Variants in PTH2R observed in about 807,000 individuals in gnomAD.
PTH2R encodes parathyroid hormone 2 receptor.
Under a neutral mutation model 60.3 loss-of-function variants are expected in PTH2R, and 59 were observed. The observed-to-expected ratio is 0.98, with a 90% CI of 0.79 to 1.22. PTH2R has a LOEUF of 1.22. Among genes scored for constraint, PTH2R ranks in the 50% most tolerant of loss-of-function variants. The pLI, the probability that PTH2R is intolerant of heterozygous loss-of-function variation, is 0.00. For missense variants in PTH2R, 749 were observed against 682.6 expected (o/e 1.10, Z -1.08); for synonymous variants, 256 against 243.8 (o/e 1.05, Z -0.47).
intron 1 of PTH2R, among the ~76,000 whole-genome samples, chr2:208,414,118 T>A (rs1559212656): frequency 6.6e-6 from 1 of 152,276 alleles, no homozygotes; most frequent in African/African-American, 2.4e-5. Context: ...CTCAAGAGAC[T>A]TTCCCCCTCC....
intron 1 of PTH2R, among the ~76,000 whole-genome samples, chr2:208,368,921 T>A (rs946531275): frequency 3.9e-5 from 6 of 152,322 alleles, no homozygotes; most frequent in African/African-American, 1.4e-4. Context: ...GCAATCAAAT[T>A]CTGTGATTTG....
chr2:208,387,131 C>T (rs1489339926), intron 1 of PTH2R, among the ~76,000 whole-genome samples: 21 of 152,130 alleles, frequency 1.4e-4, no homozygotes, highest in Middle Eastern at 3.4e-3. Context: ...ATCATTGTTA[C>T]GATCACCCCA....
Position 208,407,125 on chromosome 2 carries a change from GC to G in PTH2R, c.75+9del. Reference sequence around the variant, plus strand: ...CCTCCTGGCCAGAGCCCAGGTAAGAGCCAGTGCTCCGCGACACCTGTTTTCG... The same window carrying G: ...CCTCCTGGCCAGAGCCCAGGTAAGAGCAGTGCTCCGCGACACCTGTTTTCG... On this transcript the variant is annotated splice_region_variant and intron_variant, in intron 1 of 12. Transcript: ENST00000272847. 7.1e-7 allele frequency: 1 copy of G among 1,404,298 alleles called. No individual in the cohort carries two copies. The allele number at this position is 1,404,298 out of a possible 1,614,324, so 87.0% of individuals were successfully genotyped here.
intron 2 of PTH2R, among the ~76,000 whole-genome samples, chr2:208,429,500 T>G (rs958130739): frequency 3.9e-5 from 6 of 152,120 alleles, no homozygotes; most frequent in Admixed American, 3.3e-4. Context: ...TCCTTCATAT[T>G]TAAAAAATAT....
At chr2:208,463,817 T>C (rs16841239) in intron 9 of PTH2R, among the ~76,000 whole-genome samples, 12,175 of 152,298 alleles carry the variant, frequency 0.08, 532 homozygotes, top group Non-Finnish European at 0.084. Context: ...TGTTCAGACC[T>C]GAGGGGACTC....
At chr2:208,412,457 T>A (rs1171599843) in intron 1 of PTH2R, among the ~76,000 whole-genome samples, 1 of 152,260 alleles carries the variant, frequency 6.6e-6, no homozygotes, top group Non-Finnish European at 1.5e-5. Flanking sequence ...GGAAACAGTC[T>A]TCTTGATGAC....
chr2:208,393,593 A>C (rs1701149494), intron 1 of PTH2R, among the ~76,000 whole-genome samples: 2 of 152,124 alleles, frequency 1.3e-5, no homozygotes, highest in African/African-American at 4.8e-5. Context: ...GGTCTGCTAT[A>C]GGAGACATGT....
rs115632079 is a variant in PTH2R, at chr2:208,373,799, G to A, written c.-259+13562G>A. On this transcript the variant is annotated intron_variant, in intron 1 of 12. Transcript: ENST00000617735. Reference sequence around the variant, plus strand: ...TATCTGAGCCCTAAATGTCTTCTACGTTATTCTTTGACAATACTTTGTTAC... The same window carrying A: ...TATCTGAGCCCTAAATGTCTTCTACATTATTCTTTGACAATACTTTGTTAC... Among the ~76,000 whole-genome samples, 1,294 of 152,170 alleles carry A rather than the reference G, an allele frequency of 8.5e-3. 42 individuals are homozygous for A. Among genetic ancestry groups the A allele is most frequent in the African/African-American group, 0.029 (1,215 of 41,442 alleles).
chr2:208,481,219 C>CTT (rs34570534), intron 10 of PTH2R, 55 bp downstream of exon 10: 899 of 834,450 alleles, frequency 1.1e-3, no homozygotes, highest in East Asian at 2.0e-3. Context: ...TATTTCTTTC[C>CTT]TTTTTTTTTT....
Position 208,410,762 on chromosome 2 carries a change from T to TTGTG in PTH2R, c.75+3660_75+3663dup, listed in dbSNP as rs10688062. Among the ~76,000 whole-genome samples the TTGTG allele has an allele frequency of 6.5e-3, 981 of 150,736 alleles. 15 individuals carry two copies. Among genetic ancestry groups the TTGTG allele is most frequent in the African/African-American group, 0.023 (933 of 41,104 alleles). ...TTTATGAACATATTCAGATAAAAGATTGTGTGTGTGTGTGTGTGTCTTACA... is the reference window on the plus strand; with the variant it reads ...TTTATGAACATATTCAGATAAAAGATTGTGTGTGTGTGTGTGTGTGTGTCTTACA... On this transcript the variant is annotated intron_variant, in intron 1 of 12. Coordinates refer to ENST00000272847, the MANE Select transcript of PTH2R (RefSeq NM_005048.4).
Position 208,421,365 on chromosome 2 carries a change from G to T in PTH2R, c.76-6836G>T, listed in dbSNP as rs113484119. 4.2e-3 allele frequency among the ~76,000 whole-genome samples: 629 copies of T among 148,042 alleles called. 3 individuals carry two copies. Among genetic ancestry groups the T allele is most frequent in the Non-Finnish European group, 3.5e-3 (235 of 66,478 alleles). On this transcript the variant is annotated intron_variant, in intron 1 of 12. Coordinates refer to ENST00000272847, the MANE Select transcript of PTH2R (RefSeq NM_005048.4). ...GAAGCCAAGACATTTTCATATTGGGGGTGTGTGTGTGTGTGTGTGTGTAGT... is the reference window on the plus strand; with the variant it reads ...GAAGCCAAGACATTTTCATATTGGGTGTGTGTGTGTGTGTGTGTGTGTAGT...
At chr2:208,487,574 T>G (rs1344726257) in intron 10 of PTH2R, among the ~76,000 whole-genome samples, 1 of 152,244 alleles carries the variant, frequency 6.6e-6, no homozygotes, top group Non-Finnish European at 1.5e-5. Flanking sequence ...TATCTATTGC[T>G]GCAAAAGGAA....
chr2:208,437,953 C>T (rs1369196346), intron 4 of PTH2R, 72 bp downstream of exon 4: 1 of 1,535,602 alleles, frequency 6.5e-7, no homozygotes, highest in East Asian at 2.3e-5. Context: ...TCTCAATTGC[C>T]AGCCATTATG....
chr2:208,487,218 C>A (rs2105910323), intron 10 of PTH2R, among the ~76,000 whole-genome samples: 1 of 152,268 alleles, frequency 6.6e-6, no homozygotes, highest in South Asian at 2.1e-4. Context: ...CCTATTTCCT[C>A]ATTTTGGAGA....
At chr2:208,377,724 C>A (rs978610596) in intron 1 of PTH2R, among the ~76,000 whole-genome samples, 1 of 151,544 alleles carries the variant, frequency 6.6e-6, no homozygotes, top group African/African-American at 2.4e-5. Context: ...ACGCTCCTCA[C>A]CTCCCAGACG....
intron 1 of PTH2R, among the ~76,000 whole-genome samples, chr2:208,387,113 AGCTCTG>A (rs1366509675): frequency 6.6e-6 from 1 of 152,134 alleles, no homozygotes; most frequent in Non-Finnish European, 1.5e-5. Flanking sequence ...CTTCTTTTTG[AGCTCTG>A]GATCATTGTT....
At chr2:208,370,919 C>T (rs1405707579) in intron 1 of PTH2R, among the ~76,000 whole-genome samples, 1 of 151,968 alleles carries the variant, frequency 6.6e-6, no homozygotes, top group African/African-American at 2.4e-5. Flanking sequence ...CTTCAGGGAG[C>T]TTACAATCAT....
At chr2:208,360,981 G>T in intron 1 of PTH2R, 1 of 227,394 alleles carries the variant, frequency 4.4e-6, no homozygotes, top group Non-Finnish European at 9.2e-6. Flanking sequence ...GGCTGAGGAT[G>T]GTGGAGCCAA....
chr2:208,420,901 G>C (rs1212643673), intron 1 of PTH2R, among the ~76,000 whole-genome samples: 1 of 152,172 alleles, frequency 6.6e-6, no homozygotes, highest in Non-Finnish European at 1.5e-5. Context: ...AATAGTTCCA[G>C]CACAGGAATC....
Sources: allele counts gnomAD v4.1 joint callset (sites outside exome capture counted in the v4.1 genomes callset), GRCh38; gene constraint gnomAD v4.1.1; transcripts MANE v1.5; gene names NCBI Gene and HGNC (gene_info 2026-07-23, HGNC 2026-07-21).